SCHIP1: variants seen among roughly 807,000 people sequenced by gnomAD.
SCHIP1 encodes the protein schwannomin-interacting protein 1.
In SCHIP1, 8 loss-of-function variants were observed where a neutral mutation model predicts 29.7. The ratio of observed to expected loss-of-function variants is 0.27; its 90% CI spans 0.16 to 0.49. SCHIP1 has a LOEUF of 0.49. SCHIP1 is among the 20% of genes least tolerant of loss of function. The pLI, the probability that SCHIP1 is intolerant of heterozygous loss-of-function variation, is 0.99. For synonymous variants in SCHIP1, 76 were observed against 94.9 expected, an observed-to-expected ratio of 0.80 and a Z score of 1.16; for missense variants, 193 against 294.6, an observed-to-expected ratio of 0.66 and a Z score of 2.52.
At chr3:159,365,380 G>T in the SCHIP1 span, among the ~76,000 whole-genome samples, 10 of 152,022 alleles carry the variant, frequency 6.6e-5, no homozygotes, top group African/African-American at 2.2e-4. Context: ...ACTGTCAGGG[G>T]CATATGATGT....
At chr3:159,374,940 AAAG>A in the SCHIP1 span, among the ~76,000 whole-genome samples, 3 of 152,226 alleles carry the variant, frequency 2.0e-5, no homozygotes, top group Non-Finnish European at 4.4e-5. Flanking sequence ...TTACTATGAA[AAAG>A]AAGAATGTAG....
At chr3:159,888,553 G>T in intron 4 of SCHIP1, 1 of 327,654 alleles carries the variant, frequency 3.1e-6, no homozygotes, top group Non-Finnish European at 5.5e-6. Flanking sequence ...ATTCATTTGT[G>T]GCTATAACAT....
chr3:159,444,714 G>A, the SCHIP1 span, among the ~76,000 whole-genome samples: 6 of 152,256 alleles, frequency 3.9e-5, no homozygotes, highest in East Asian at 1.2e-3. Context: ...ATGAGAGGTG[G>A]CAGGGACAAC....
At chr3:159,621,285 G>T in the SCHIP1 span, among the ~76,000 whole-genome samples, 1 of 152,194 alleles carries the variant, frequency 6.6e-6, no homozygotes, top group Non-Finnish European at 1.5e-5. Context: ...TATATGCCAA[G>T]TATACTGTAA....
chr3:159,764,325 C>A, the SCHIP1 span: 202 of 1,257,034 alleles, frequency 1.6e-4, no homozygotes, highest in Non-Finnish European at 2.0e-4. The surrounding 1 kb of genome is among the most constrained non-coding windows in gnomAD (Gnocchi z 6.1). Flanking sequence ...CCTTGGGGGA[C>A]GCACCTCTGA....
intron 1 of SCHIP1, among the ~76,000 whole-genome samples, chr3:159,862,876 C>G (rs1037852894): frequency 6.6e-6 from 1 of 151,838 alleles, no homozygotes; most frequent in Non-Finnish European, 1.5e-5. Flanking sequence ...AAAGCTGCAC[C>G]CTCTTACATT....
At chr3:159,677,465 T>TAA in the SCHIP1 span, among the ~76,000 whole-genome samples, 9,873 of 152,210 alleles carry the variant, frequency 0.065, 1,023 homozygotes, top group African/African-American at 0.22. Context: ...GGAAGCCAGC[T>TAA]GTTCTTGCAC....
chr3:159,732,256 C>T, the SCHIP1 span, among the ~76,000 whole-genome samples: 1 of 152,240 alleles, frequency 6.6e-6, no homozygotes, highest in Non-Finnish European at 1.5e-5. Context: ...AGAGGAGCTG[C>T]TTCTTGCCCA....
the SCHIP1 span, among the ~76,000 whole-genome samples, chr3:159,433,845 T>C: frequency 6.6e-6 from 1 of 152,184 alleles, no homozygotes; most frequent in Non-Finnish European, 1.5e-5. Context: ...GTGCAACAAG[T>C]AGGTGCCGAA....
chr3:159,757,635 C>T, the SCHIP1 span, among the ~76,000 whole-genome samples: 4 of 152,182 alleles, frequency 2.6e-5, no homozygotes, highest in African/African-American at 9.7e-5. Flanking sequence ...AGTTACAGCC[C>T]ATGAAATTCT....
At chr3:159,559,514 G>A in the SCHIP1 span, among the ~76,000 whole-genome samples, 4 of 152,166 alleles carry the variant, frequency 2.6e-5, no homozygotes, top group African/African-American at 9.6e-5. Flanking sequence ...AAATACTTTA[G>A]TATGTATATT....
upstream of SCHIP1, among the ~76,000 whole-genome samples, chr3:159,835,809 T>C (rs1743610350): frequency 6.6e-6 from 1 of 152,232 alleles, no homozygotes; most frequent in African/African-American, 2.4e-5. Flanking sequence ...CAAAACTGTA[T>C]GCTCGATGGC....
chr3:159,828,380 T>TATATACAC, the SCHIP1 span, among the ~76,000 whole-genome samples: 15 of 74,488 alleles, frequency 2.0e-4, no homozygotes, highest in Non-Finnish European at 3.3e-4. Context: ...TATATACATA[T>TATATACAC]ATATATACAT....
intron 1 of SCHIP1, among the ~76,000 whole-genome samples, chr3:159,862,875 C>A (rs191612912): frequency 3.9e-4 from 60 of 152,148 alleles, no homozygotes; most frequent in African/African-American, 1.3e-3. Flanking sequence ...GAAAGCTGCA[C>A]CCTCTTACAT....
At chr3:159,539,817 T>C in the SCHIP1 span, among the ~76,000 whole-genome samples, 775 of 141,556 alleles carry the variant, frequency 5.5e-3, 160 homozygotes, top group Admixed American at 0.028. Context: ...CTGCACCAGA[T>C]AGGAAAACAA....
At chr3:159,753,882 C>A in the SCHIP1 span, among the ~76,000 whole-genome samples, 1 of 152,194 alleles carries the variant, frequency 6.6e-6, no homozygotes, top group Non-Finnish European at 1.5e-5. Context: ...TTATTCAAGA[C>A]TTTATTCACC....
the SCHIP1 span, among the ~76,000 whole-genome samples, chr3:159,461,154 C>T: frequency 6.6e-6 from 1 of 152,146 alleles, no homozygotes; most frequent in African/African-American, 2.4e-5. Context: ...CTAGTTGATT[C>T]TTGGTTAACA....
the SCHIP1 span, among the ~76,000 whole-genome samples, chr3:159,553,912 T>C: frequency 1.3e-5 from 2 of 152,208 alleles, no homozygotes; most frequent in East Asian, 1.9e-4. Context: ...GCCATTCTTC[T>C]GCCTCAGCCT....
At chr3:159,512,935 A>G in the SCHIP1 span, among the ~76,000 whole-genome samples, 1 of 152,230 alleles carries the variant, frequency 6.6e-6, no homozygotes, top group African/African-American at 2.4e-5. Context: ...CAAATCAGCG[A>G]GAACATGTGA....
Sources: gnomAD v4.1 joint callset for allele counts (sites outside exome capture counted in the v4.1 genomes callset) on GRCh38, gnomAD v4.1.1 for gene constraint, Gnocchi (gnomAD v3.1) non-coding constraint, MANE v1.5 for transcripts, NCBI Gene and HGNC (gene_info 2026-07-23, HGNC 2026-07-21) for gene names.